Variants in PARP1 observed in about 807,000 individuals in gnomAD.
PARP1 encodes the protein poly(ADP-ribose) polymerase 1.
A neutral mutation model predicts 118.7 loss-of-function variants in PARP1; 44 were observed. The observed-to-expected ratio is 0.37, with a 90% confidence interval of 0.29 to 0.48. PARP1 has a LOEUF of 0.48. Among genes scored for constraint, PARP1 ranks in the 20% least tolerant of loss-of-function variants. PARP1 has a pLI of 0.99. For synonymous variants in PARP1, 492 were observed against 483.2 expected (o/e 1.02, Z -0.24); for missense variants, 1,100 against 1,272.4 (o/e 0.86, Z 2.06).
chr1:226,395,857 C>T (rs1677409742), intron 2 of PARP1, among the ~76,000 whole-genome samples: 1 of 152,166 alleles, frequency 6.6e-6, no homozygotes, highest in Admixed American at 6.5e-5. Context: ...ACTCCACTTA[C>T]ATGAGGTGCT....
In PARP1 at chr1:226,383,120, G is replaced by C. The variant is rs1339058576; in HGVS notation, c.1075C>G (p.Pro359Ala). Residue 359 changes from proline to alanine, a missense_variant, in exon 8 of 23, where the codon CCA becomes GCA. By Grantham distance (27) the Pro-to-Ala change is conservative. Around this residue, in one of 2 missense-constraint regions of PARP1, gnomAD observed 948 missense variants for 1,031.8 expected, o/e 0.92. Coordinates refer to ENST00000366794, the MANE Select transcript of PARP1 (RefSeq NM_001618.4). ...GCCGCCACGGAGGCGCTGGTTTCTG[G>C]GGGGAATATACGGTCCTGTTTTTTA... ...KVKKQDRIFP[P>A]ETSASVAATP... The C allele has an allele frequency of 1.2e-6, 2 of 1,613,194 alleles. No homozygotes were observed. The highest frequency in any genetic ancestry group is 1.7e-6 in the Non-Finnish European group (2 of 1,179,742).
intron 14 of PARP1, among the ~76,000 whole-genome samples, chr1:226,371,788 G>A (rs1033859757): frequency 3.9e-5 from 6 of 152,148 alleles, no homozygotes; most frequent in South Asian, 2.1e-4. Context: ...CATTTTCCAC[G>A]CTGTATAATT....
chr1:226,405,641 C>T (rs1438430275), intron 1 of PARP1, among the ~76,000 whole-genome samples: 1 of 152,134 alleles, frequency 6.6e-6, no homozygotes, highest in Non-Finnish European at 1.5e-5. Context: ...CAGTTTCCTC[C>T]ATCCGGCCTC....
At position 226,361,748 on chromosome 1, in the gene PARP1, C is replaced by T. The variant is rs112138054; in HGVS notation, c.2964-207G>A. On this transcript the variant is annotated intron_variant, in intron 22 of 22. Transcript: ENST00000366794. ...TTACTCTAAGTCTTCTTCAGGCAGA[C>T]TGAGGAGAGGAGATCATCCTCTGGA... 7 of 666,664 alleles carry T rather than the reference C, an allele frequency of 1.0e-5. No homozygotes were observed. In the East Asian group the frequency reaches 1.1e-4, roughly 10 times the overall value. The allele number at this position is 666,664 out of a possible 1,614,324, so 41.3% of individuals were successfully genotyped here.
intron 4 of PARP1, 75 bp from the exon 5 acceptor site, chr1:226,388,830 G>T: frequency 9.4e-7 from 1 of 1,067,670 alleles, no homozygotes; most frequent in Non-Finnish European, 1.5e-6. Flanking sequence ...CGGTGATGCA[G>T]TATCTTAATG....
chr1:226,407,142 A>C (rs1576405926), intron 1 of PARP1, among the ~76,000 whole-genome samples: 1 of 152,104 alleles, frequency 6.6e-6, no homozygotes, highest in Non-Finnish European at 1.5e-5. Context: ...CCACATGAGA[A>C]ACCCCCCTGG....
chr1:226,396,984 A>C (rs1367799655), intron 2 of PARP1, among the ~76,000 whole-genome samples: 1 of 152,072 alleles, frequency 6.6e-6, no homozygotes, highest in East Asian at 1.9e-4. Context: ...CAAAAGAGAA[A>C]ACAGCCACAG....
rs1167536447 is a variant in PARP1 at position 226,368,225 on chromosome 1, G to A, written c.2251C>T (p.Leu751Phe). The change falls in exon 16 of 23, where the codon CTC becomes TTC. Residue 751 changes from leucine (L) to phenylalanine (F), a missense_variant. Physicochemically the swap from Leu to Phe is conservative, Grantham distance 22. Coordinates refer to ENST00000366794, the MANE Select transcript of PARP1 (RefSeq NM_001618.4). ...PHDFGMKKPP[L>F]LNNADSVQAK... ...TGCACACTGTCTGCATTGTTCAGGA[G>A]CGGAGGCTTCTTCATCCCAAAGTCG... 3.7e-6 allele frequency: 6 copies of A among 1,614,104 alleles called. No homozygotes were observed. Among genetic ancestry groups the A allele is most frequent in the Non-Finnish European group, 5.1e-6 (6 of 1,180,050 alleles).
intron 2 of PARP1, among the ~76,000 whole-genome samples, chr1:226,393,679 A>C (rs1413918897): frequency 6.6e-6 from 1 of 152,228 alleles, no homozygotes; most frequent in Non-Finnish European, 1.5e-5. Context: ...GATAGAAATC[A>C]GAACAGTGGT....
At chr1:226,406,164 T>G (rs927256491) in intron 1 of PARP1, among the ~76,000 whole-genome samples, 7 of 147,592 alleles carry the variant, frequency 4.7e-5, no homozygotes, top group African/African-American at 1.5e-4. Flanking sequence ...TATCTGTAAT[T>G]ATCACTGGTG....
At chr1:226,405,278 G>A (rs1665121942) in intron 1 of PARP1, among the ~76,000 whole-genome samples, 1 of 151,978 alleles carries the variant, frequency 6.6e-6, no homozygotes. Flanking sequence ...CCAAAGGAAA[G>A]CCCAGAATGT....
rs374640357 is a variant in PARP1 at position 226,377,256 on chromosome 1, C to T, written c.1793G>A (p.Ser598Asn). The change falls in exon 13 of 23, where the codon AGC becomes AAC. Residue 598 changes from serine to asparagine, a missense_variant. Ser to Asn is a conservative substitution (Grantham distance 46, BLOSUM62 1). Coordinates refer to ENST00000366794, the MANE Select transcript of PARP1 (RefSeq NM_001618.4). ...GGACGGCATCTGTTCCAGTTTGTTG[C>T]TACCGATCACCGTACCCACACGGCC... ...SWGRVGTVIGSNKLEQMPSKE... is the reference protein window; with the variant it reads ...SWGRVGTVIGNNKLEQMPSKE... 9.3e-6 allele frequency: 15 copies of T among 1,614,080 alleles called. No homozygotes were observed. The highest frequency in any genetic ancestry group is 1.1e-5 in the Non-Finnish European group (13 of 1,179,952).
chr1:226,402,261 T>C lies in PARP1; in HGVS notation c.239A>G (p.Asp80Gly). ...EVDGFSELRW[D>G]DQQKVKKTAE... ...TGTCTTCTTGACTTTCTGCTGGTCATCCCACCGAAGCTCAGAGAACCCATC... is the reference window on the plus strand; with the variant it reads ...TGTCTTCTTGACTTTCTGCTGGTCACCCCACCGAAGCTCAGAGAACCCATC... The change falls in exon 2 of 23, where the codon GAT becomes GGT. Residue 80 changes from aspartate (D) to glycine (G), a missense_variant. By Grantham distance (94) the Asp-to-Gly change is moderately conservative. This residue lies in a region of PARP1 where 948 missense variants were observed against 1,031.8 expected (regional missense o/e 0.92). Coordinates refer to ENST00000366794, the MANE Select transcript of PARP1 (RefSeq NM_001618.4). The C allele has an allele frequency of 6.2e-7, 1 of 1,614,182 alleles. No homozygotes were observed. Among genetic ancestry groups the C allele is most frequent in the Non-Finnish European group, 8.5e-7 (1 of 1,180,040 alleles).
At chr1:226,406,524 G>C (rs1576405716) in intron 1 of PARP1, among the ~76,000 whole-genome samples, 2 of 152,134 alleles carry the variant, frequency 1.3e-5, no homozygotes, top group East Asian at 3.9e-4. Flanking sequence ...CCCTTAGCTG[G>C]GTCATCTCGG....
In PARP1 at chr1:226,390,505, G is replaced by C. The variant is rs13306125; in HGVS notation, c.522C>G (p.Pro174=). 52 of 1,614,108 alleles carry C rather than the reference G, an allele frequency of 3.2e-5. No individual in the cohort carries two copies. The East Asian group carries it at 1.2e-3, about 36-fold the overall frequency. Residue 174 remains proline (P), a synonymous_variant, in exon 4 of 23, where the codon CCC becomes CCG. Coordinates refer to ENST00000366794, the MANE Select transcript of PARP1 (RefSeq NM_001618.4). ...CCTTGAGCTGACTCGCACTGTACTCGGGCCGGAAACCCAGCTCCTCCCTGT... is the reference window on the plus strand; with the variant it reads ...CCTTGAGCTGACTCGCACTGTACTCCGGCCGGAAACCCAGCTCCTCCCTGT... ...VKNREELGFR[P]EYSASQLKGF...
chr1:226,400,504 C>T (rs1218228953), intron 2 of PARP1, among the ~76,000 whole-genome samples: 1 of 152,194 alleles, frequency 6.6e-6, no homozygotes, highest in African/African-American at 2.4e-5. Flanking sequence ...ATCTGTATCC[C>T]CAGGGTGGGC....
chr1:226,392,331 A>T lies in PARP1; in HGVS notation c.287-17T>A. ...GGCCTTTGCCTGGAGAATCAAACAG[A>T]CAGCAATGCTCATCTCAACAGCCCC... On this transcript the variant is annotated splice_polypyrimidine_tract_variant and intron_variant, in intron 2 of 22. Coordinates refer to ENST00000366794, the MANE Select transcript of PARP1 (RefSeq NM_001618.4). 6.4e-7 allele frequency: 1 copy of T among 1,569,822 alleles called. No individual in the cohort carries two copies. The highest frequency in any genetic ancestry group is 8.8e-7 in the Non-Finnish European group (1 of 1,140,288).
intron 5 of PARP1, among the ~76,000 whole-genome samples, chr1:226,388,048 T>C (rs2027439): frequency 0.42 from 64,453 of 152,034 alleles, 14,708 homozygotes; most frequent in East Asian, 0.81. Flanking sequence ...CTGTTCTCCC[T>C]CAATTTCCCA....
rs761065646 is a variant in PARP1, at chr1:226,377,261, G to C, written c.1788C>G (p.Ile596Met). Residue 596 changes from isoleucine (I) to methionine (M), a missense_variant, in exon 13 of 23, where the codon ATC (isoleucine) becomes ATG (methionine). Transcript: ENST00000366794. ...GCATCTGTTCCAGTTTGTTGCTACC[G>C]ATCACCGTACCCACACGGCCCCAGG... ...FRSWGRVGTVIGSNKLEQMPS... is the reference protein window; with the variant it reads ...FRSWGRVGTVMGSNKLEQMPS... 2.5e-6 allele frequency: 4 copies of C among 1,613,944 alleles called. No individual in the cohort carries two copies. In the South Asian group the frequency reaches 3.3e-5, roughly 13 times the overall value.
Sources: gnomAD v4.1 joint callset for allele counts (sites outside exome capture counted in the v4.1 genomes callset) on GRCh38, gnomAD v4.1.1 for gene constraint, gnomAD v4.1.1 regional missense constraint, MANE v1.5 for transcripts, NCBI Gene and HGNC (gene_info 2026-07-23, HGNC 2026-07-21) for gene names.